TFPI: variants seen among roughly 807,000 people sequenced by gnomAD.
TFPI encodes the protein anti-convertin.
In TFPI, 15 loss-of-function variants were observed where a neutral mutation model predicts 34.6. The ratio of observed to expected loss-of-function variants is 0.43; its 90% confidence interval spans 0.29 to 0.67. The LOEUF (loss-of-function observed/expected upper bound fraction) is 0.67, where lower values mean the gene tolerates loss of function less well. TFPI is among the 30% of genes least tolerant of loss of function. The probability of loss-of-function intolerance (pLI) is 0.15; values close to 1 mark genes in which losing one functional copy is unlikely to be tolerated. For synonymous variants in TFPI, 105 were observed against 120.1 expected, an observed-to-expected ratio of 0.87 and a Z score of 0.82; for missense variants, 301 against 364.0, an observed-to-expected ratio of 0.83 and a Z score of 1.41.
intron 1 of TFPI, chr2:187,517,918 C>G (rs1687118382): frequency 6.6e-6 from 1 of 152,164 alleles, no homozygotes; most frequent in South Asian, 2.1e-4. Flanking sequence ...CTCTTTTGAT[C>G]TTTGTTGGTT....
At chr2:187,505,493 A>G (rs1276265161) in intron 1 of TFPI, among the ~76,000 whole-genome samples, 1 of 152,116 alleles carries the variant, frequency 6.6e-6, no homozygotes, top group Non-Finnish European at 1.5e-5. Context: ...TGAGCTGAGC[A>G]CCACCAGGTA....
intron 1 of TFPI, among the ~76,000 whole-genome samples, chr2:187,540,574 T>C (rs1035986658): frequency 3.2e-4 from 48 of 152,162 alleles, no homozygotes; most frequent in Non-Finnish European, 8.8e-5. Context: ...ACTTCTTTTA[T>C]GTAATACATT....
chr2:187,495,597 A>G (rs928594182), intron 3 of TFPI, among the ~76,000 whole-genome samples: 3 of 152,206 alleles, frequency 2.0e-5, no homozygotes, highest in African/African-American at 7.2e-5. Flanking sequence ...TTGGGAGCAT[A>G]CAACTAAACA....
intron 1 of TFPI, among the ~76,000 whole-genome samples, chr2:187,511,726 A>C (rs770625800): frequency 8.5e-5 from 13 of 152,114 alleles, no homozygotes; most frequent in Non-Finnish European, 1.8e-4. Flanking sequence ...GTTCCTGTAC[A>C]TAGACACTTG....
chr2:187,551,932 AT>A (rs1173464029), intron 1 of TFPI, among the ~76,000 whole-genome samples: 1 of 152,124 alleles, frequency 6.6e-6, no homozygotes, highest in Non-Finnish European at 1.5e-5. Context: ...GAAGGCCTTT[AT>A]TGAGAATAGA....
intron 1 of TFPI, among the ~76,000 whole-genome samples, chr2:187,534,229 G>A (rs7577090): frequency 0.44 from 66,059 of 151,826 alleles, 15,143 homozygotes; most frequent in African/African-American, 0.58. Context: ...CACCACAAAG[G>A]TACTCCTCAA....
Position 187,467,743 on chromosome 2 carries a change from T to A in TFPI, c.808+10A>T. On this transcript the variant is annotated intron_variant, in intron 7 of 7. Coordinates refer to ENST00000233156, the MANE Select transcript of TFPI (RefSeq NM_006287.6). ...CACTAGTCAATTAATGGGAAGAGTA[T>A]CTTCTATACCTTTTTTACATGCCCT... The A allele has an allele frequency of 6.4e-7, 1 of 1,572,416 alleles. No individual in the cohort carries two copies. The highest frequency in any genetic ancestry group is 8.6e-7 in the Non-Finnish European group (1 of 1,160,696).
At chr2:187,486,695 G>A (rs1461761131) in intron 4 of TFPI, among the ~76,000 whole-genome samples, 1 of 151,484 alleles carries the variant, frequency 6.6e-6, no homozygotes, top group Admixed American at 6.6e-5. Flanking sequence ...TTTTCTTCAG[G>A]TAAATAAATT....
chr2:187,520,328 G>T (rs1047529436), intron 1 of TFPI, among the ~76,000 whole-genome samples: 3 of 152,126 alleles, frequency 2.0e-5, no homozygotes, highest in Admixed American at 6.5e-5. Flanking sequence ...CATGGGAAAA[G>T]CATCGTATCT....
At chr2:187,516,915 C>G (rs536658353) in intron 1 of TFPI, 1 of 152,230 alleles carries the variant, frequency 6.6e-6, no homozygotes, top group African/African-American at 2.4e-5. Flanking sequence ...CCCTCTCACG[C>G]GGACCCCCTT....
At chr2:187,474,313 A>G (rs1391618384) in intron 6 of TFPI, among the ~76,000 whole-genome samples, 1 of 152,128 alleles carries the variant, frequency 6.6e-6, no homozygotes, top group Non-Finnish European at 1.5e-5. Context: ...GGTGAAGGAA[A>G]GTGAAAACAC....
rs745580539 is a variant in TFPI at position 187,496,835 on chromosome 2, A to C, written c.319+46T>G. On this transcript the variant is annotated intron_variant, in intron 3 of 7. Transcript: ENST00000233156. ...AATTATCAAATCCATAATTAGACTC[A>C]ATAGCCCTAAAGGGTCTTGAGTAAT... The C allele has an allele frequency of 1.8e-5, 28 of 1,533,470 alleles. No individual in the cohort carries two copies. The Admixed American group carries it at 5.1e-4, about 28-fold the overall frequency. 95.0% of individuals were successfully genotyped at this position (1,533,470 alleles called of 1,614,324 possible). A position where few individuals can be genotyped will look rare whatever the true frequency, so the allele number is the denominator to read the frequency against.
chr2:187,525,573 TTA>T (rs1214878832), intron 1 of TFPI, among the ~76,000 whole-genome samples: 2 of 152,040 alleles, frequency 1.3e-5, no homozygotes, highest in Non-Finnish European at 2.9e-5. Flanking sequence ...CCTTTCAAAT[TTA>T]TATGTTAAAG....
At chr2:187,471,118 T>C (rs963536012) in intron 6 of TFPI, among the ~76,000 whole-genome samples, 1 of 152,208 alleles carries the variant, frequency 6.6e-6, no homozygotes, top group Non-Finnish European at 1.5e-5. Flanking sequence ...TTTTTAAAGA[T>C]GCAATAAATT....
intron 1 of TFPI, among the ~76,000 whole-genome samples, chr2:187,532,160 A>G (rs1559149805): frequency 1.3e-5 from 2 of 152,238 alleles, no homozygotes; most frequent in South Asian, 4.1e-4. Flanking sequence ...GCATGTTAAT[A>G]TGTATAAGTG....
intron 2 of TFPI, among the ~76,000 whole-genome samples, chr2:187,500,873 C>T (rs1559122946): frequency 6.6e-6 from 1 of 152,108 alleles, no homozygotes; most frequent in African/African-American, 2.4e-5. Context: ...TGAATAAACC[C>T]TTTTGAATGT....
At chr2:187,518,045 A>T (rs1273923098) in intron 1 of TFPI, 4 of 152,206 alleles carry the variant, frequency 2.6e-5, no homozygotes, top group African/African-American at 9.7e-5. Flanking sequence ...TTTGCACTTG[A>T]CATGGGTCTC....
At chr2:187,486,675 T>A (rs1168279610) in intron 4 of TFPI, among the ~76,000 whole-genome samples, 1 of 151,612 alleles carries the variant, frequency 6.6e-6, no homozygotes, top group African/African-American at 2.4e-5. Context: ...ATCAAAAAAT[T>A]AATTTCCCAT....
At chr2:187,469,609 G>C (rs1691915341) in intron 6 of TFPI, among the ~76,000 whole-genome samples, 1 of 152,032 alleles carries the variant, frequency 6.6e-6, no homozygotes, top group South Asian at 2.1e-4. Flanking sequence ...TGTGTGACAA[G>C]GGTAGCTAAA....
Sources: allele counts gnomAD v4.1 joint callset (sites outside exome capture counted in the v4.1 genomes callset), GRCh38; gene constraint gnomAD v4.1.1; transcripts MANE v1.5; gene names NCBI Gene and HGNC (gene_info 2026-07-23, HGNC 2026-07-21).